The following OLAH variants were observed in gnomAD, a reference collection of about 807,000 sequenced individuals.
OLAH encodes the protein oleoyl-ACP hydrolase.
In OLAH, 33 loss-of-function variants were observed where a neutral mutation model predicts 27.8. The ratio of observed to expected loss-of-function variants is 1.19; its 90% confidence interval spans 0.90 to 1.59. The LOEUF (loss-of-function observed/expected upper bound fraction) is 1.59. Among genes scored for constraint, OLAH ranks in the 40% most tolerant of loss-of-function variants. The pLI, the probability that OLAH is intolerant of heterozygous loss-of-function variation, is 0.00. For missense variants in OLAH, 359 were observed against 310.8 expected, an observed-to-expected ratio of 1.16 and a Z score of -1.17; for synonymous variants, 120 against 102.9, an observed-to-expected ratio of 1.17 and a Z score of -1.01.
At chr10:15,064,900 A>G (rs942526999) in intron 5 of OLAH, among the ~76,000 whole-genome samples, 1 of 152,060 alleles carries the variant, frequency 6.6e-6, no homozygotes, top group Non-Finnish European at 1.5e-5. Flanking sequence ...CAGGTGATCC[A>G]CCCACCTCAG....
chr10:15,072,652 T>C (rs1844613450), intron 7 of OLAH, among the ~76,000 whole-genome samples: 1 of 151,826 alleles, frequency 6.6e-6, no homozygotes, highest in Non-Finnish European at 1.5e-5. Flanking sequence ...GCGAGAAGTT[T>C]TATGGTAGGG....
intron 4 of OLAH, among the ~76,000 whole-genome samples, chr10:15,062,615 A>G (rs1156835451): frequency 1.3e-5 from 2 of 151,132 alleles, no homozygotes; most frequent in Non-Finnish European, 2.9e-5. Context: ...TATTTATATT[A>G]TTGCCATAAA....
chr10:15,055,638 T>C (rs1040190563), intron 3 of OLAH, among the ~76,000 whole-genome samples: 1 of 152,154 alleles, frequency 6.6e-6, no homozygotes, highest in Non-Finnish European at 1.5e-5. Flanking sequence ...TAGCTGATGG[T>C]TCAATACATA....
At chr10:15,070,780 C>CTTTTTT (rs71390010) in intron 6 of OLAH, among the ~76,000 whole-genome samples, 3 of 99,938 alleles carry the variant, frequency 3.0e-5, no homozygotes, top group Non-Finnish European at 5.8e-5. Context: ...CACGCCTGAA[C>CTTTTTT]TTTTTTTTTT....
intron 1 of OLAH, among the ~76,000 whole-genome samples, chr10:15,033,123 T>C (rs7915871): frequency 0.45 from 68,925 of 151,522 alleles, 16,074 homozygotes; most frequent in East Asian, 0.7. Flanking sequence ...GCGATCCACC[T>C]GCCTCGGCCT....
At chr10:15,039,663 G>A (rs1843892146), upstream of OLAH, among the ~76,000 whole-genome samples, 2 of 152,186 alleles carry the variant, frequency 1.3e-5, no homozygotes, top group African/African-American at 4.8e-5. Context: ...TTTACTCATT[G>A]TAAGCATACG....
At chr10:15,046,530 C>T (rs1047899078) in intron 1 of OLAH, among the ~76,000 whole-genome samples, 3 of 151,738 alleles carry the variant, frequency 2.0e-5, no homozygotes, top group African/African-American at 4.8e-5. Context: ...TGCAGTGGCG[C>T]GATCTCAGCT....
At position 15,047,196 on chromosome 10, in the gene OLAH, C is replaced by T. The variant is rs768616198; in HGVS notation, c.-93C>T. 2.5e-5 allele frequency: 33 copies of T among 1,307,140 alleles called. No individual in the cohort carries two copies. Among genetic ancestry groups the T allele is most frequent in the Middle Eastern group, 2.0e-4 (1 of 4,998 alleles). 81.0% of individuals were successfully genotyped at this position (1,307,140 alleles called of 1,614,324 possible). On this transcript the variant is annotated 5_prime_UTR_variant, in exon 2 of 8. Coordinates refer to ENST00000378228, the MANE Select transcript of OLAH (RefSeq NM_001039702.3). ...ACTCACTCTTCTGTGTGCATAAGGCCGAGCAGAGGTTCTTCGTCTCAAGAG... is the reference window on the plus strand; with the variant it reads ...ACTCACTCTTCTGTGTGCATAAGGCTGAGCAGAGGTTCTTCGTCTCAAGAG...
intron 7 of OLAH, 57 bp downstream of exon 7, chr10:15,071,934 A>AT: frequency 7.1e-7 from 1 of 1,400,866 alleles, no homozygotes; most frequent in Non-Finnish European, 1.0e-6. Context: ...ATGGCTTTAA[A>AT]ATTTTTTTTT....
At chr10:15,036,002 C>G (rs1843835802) in intron 1 of OLAH, among the ~76,000 whole-genome samples, 1 of 152,062 alleles carries the variant, frequency 6.6e-6, no homozygotes, top group Non-Finnish European at 1.5e-5. Flanking sequence ...CTGAGTGATT[C>G]TAGATGTTAG....
chr10:15,050,672 C>T (rs1157944971), intron 3 of OLAH, among the ~76,000 whole-genome samples: 1 of 151,566 alleles, frequency 6.6e-6, no homozygotes, highest in Admixed American at 6.6e-5. Context: ...TCCCAAGTAG[C>T]TGGAACTACA....
rs573308022 is a variant in OLAH, at chr10:15,058,051, ATTTTG to A, written c.164-3669_164-3665del. ...AAAATCAGCTTATCAATTTCCTGAG[ATTTTG>A]TTTGGGGTTGCCGTGAAGTTATAGA... On this transcript the variant is annotated intron_variant, in intron 3 of 7. Coordinates refer to ENST00000378228, the MANE Select transcript of OLAH (RefSeq NM_001039702.3). Among the ~76,000 whole-genome samples, 24 of 152,224 alleles carry A rather than the reference ATTTTG, an allele frequency of 1.6e-4. No homozygotes were observed. In the East Asian group the frequency reaches 4.6e-3, roughly 29 times the overall value.
At chr10:15,071,532 C>T (rs1425713607) in intron 6 of OLAH, 7 of 970,792 alleles carry the variant, frequency 7.2e-6, no homozygotes, top group Non-Finnish European at 7.3e-6. Flanking sequence ...ACCAGCCTTA[C>T]CTTGAGTTGA....
At chr10:15,050,331 A>C (rs1844110251) in intron 3 of OLAH, among the ~76,000 whole-genome samples, 1 of 149,874 alleles carries the variant, frequency 6.7e-6, no homozygotes, top group Admixed American at 6.7e-5. Context: ...GCAGTGGTGC[A>C]ATCTCGGCTC....
intron 3 of OLAH, among the ~76,000 whole-genome samples, chr10:15,050,874 C>T (rs1589242063): frequency 6.6e-6 from 1 of 152,106 alleles, no homozygotes; most frequent in Admixed American, 6.5e-5. Context: ...TGAGCCACTG[C>T]AGCCGGCCTC....
At chr10:15,056,971 T>G in intron 3 of OLAH, 1 of 1,433,140 alleles carries the variant, frequency 7.0e-7, no homozygotes, top group South Asian at 1.5e-5. Flanking sequence ...TTCTGGATTC[T>G]AATTTTTTTT....
At chr10:15,063,384 G>A (rs775371462) in intron 4 of OLAH, among the ~76,000 whole-genome samples, 4 of 152,124 alleles carry the variant, frequency 2.6e-5, no homozygotes, top group Non-Finnish European at 4.4e-5. Flanking sequence ...ACCCACCTCC[G>A]CCTCTCAAAA....
At chr10:15,062,350 T>C (rs1384310183) in intron 4 of OLAH, among the ~76,000 whole-genome samples, 1 of 152,062 alleles carries the variant, frequency 6.6e-6, no homozygotes, top group Non-Finnish European at 1.5e-5. Context: ...TAGTAAGGAA[T>C]CAATAAATTT....
At chr10:15,050,307 AC>A (rs1414316934) in intron 3 of OLAH, among the ~76,000 whole-genome samples, 1 of 151,986 alleles carries the variant, frequency 6.6e-6, no homozygotes, top group African/African-American at 2.4e-5. Flanking sequence ...TTGCTCTGTC[AC>A]CCAGGCTGGA....
Sources: allele counts gnomAD v4.1 joint callset (sites outside exome capture counted in the v4.1 genomes callset), GRCh38; gene constraint gnomAD v4.1.1; transcripts MANE v1.5; gene names NCBI Gene and HGNC (gene_info 2026-07-23, HGNC 2026-07-21).